Variants in RTN3 observed in about 807,000 individuals in gnomAD.
The protein encoded by RTN3 is reticulon 3.
Under a neutral mutation model 77.8 loss-of-function variants are expected in RTN3, and 49 were observed. The observed-to-expected ratio is 0.63, with a 90% CI of 0.50 to 0.80. RTN3 has a LOEUF of 0.80. RTN3 is among the 30% of genes least tolerant of loss of function. The pLI is 0.00. For missense variants in RTN3, 1,236 were observed against 1,211.9 expected (o/e 1.02, Z -0.29); for synonymous variants, 464 against 446.9 (o/e 1.04, Z -0.48).
chr11:63,750,859 G>A (rs990672078), intron 4 of RTN3, among the ~76,000 whole-genome samples: 2 of 152,004 alleles, frequency 1.3e-5, no homozygotes, highest in Non-Finnish European at 2.9e-5. Flanking sequence ...AGCCTCCCGA[G>A]TAGCTGGGAC....
chr11:63,752,460 A>G (rs2014155801), intron 4 of RTN3, 47 bp from the exon 5 acceptor site: 1 of 1,585,526 alleles, frequency 6.3e-7, no homozygotes, highest in Non-Finnish European at 8.6e-7. Flanking sequence ...TGCTAACAAA[A>G]TCTTCTTCCA....
chr11:63,740,955 T>C (rs2013432181), intron 3 of RTN3, among the ~76,000 whole-genome samples: 1 of 152,112 alleles, frequency 6.6e-6, no homozygotes, highest in African/African-American at 2.4e-5. Context: ...GATCTTGTAT[T>C]ATCCTATTTT....
rs963660560 is a variant in RTN3 at position 63,712,696 on chromosome 11, C to T, written c.200-6006C>T. ...AGAGATGGGGTTCTCCATGTTGATCCGGCTGGTCTTGAACTCCTGACCTCG... is the reference window on the plus strand; with the variant it reads ...AGAGATGGGGTTCTCCATGTTGATCTGGCTGGTCTTGAACTCCTGACCTCG... On this transcript the variant is annotated intron_variant, in intron 2 of 8. Coordinates refer to ENST00000377819, the MANE Select transcript of RTN3 (RefSeq NM_001265589.2). Among the ~76,000 whole-genome samples the T allele has an allele frequency of 3.3e-5, 5 of 152,012 alleles. No homozygotes were observed. In the East Asian group the frequency reaches 5.9e-4, roughly 18 times the overall value.
At chr11:63,749,570 C>T (rs2013991091) in intron 3 of RTN3, among the ~76,000 whole-genome samples, 1 of 152,158 alleles carries the variant, frequency 6.6e-6, no homozygotes, top group Non-Finnish European at 1.5e-5. Context: ...TCCTTTCTGC[C>T]AAACTATTTA....
At chr11:63,749,744 C>G (rs1400427504) in intron 3 of RTN3, among the ~76,000 whole-genome samples, 1 of 152,162 alleles carries the variant, frequency 6.6e-6, no homozygotes, top group Non-Finnish European at 1.5e-5. Context: ...TCTCTTAGAA[C>G]CAAGTACAGT....
rs1341707560 is a variant in RTN3 at position 63,718,909 on chromosome 11, C to G, written c.407C>G (p.Thr136Ser). 1 of 1,614,122 alleles carries G rather than the reference C, an allele frequency of 6.2e-7. No individual in the cohort carries two copies. Among genetic ancestry groups the G allele is most frequent in the Admixed American group, 1.7e-5 (1 of 60,016 alleles). ...DMKKMEKPQG[T>S]SNNVSDSSVS... ...AAAAAGATGGAAAAGCCTCAGGGGA[C>G]CAGCAACAACGTATCAGACTCTTCA... is the stretch of plus-strand genomic sequence containing the variant. Residue 136 changes from threonine to serine, a missense_variant, in exon 3 of 9, where the codon ACC becomes AGC. By Grantham distance (58) the Thr-to-Ser change is moderately conservative. Coordinates refer to ENST00000377819, the MANE Select transcript of RTN3 (RefSeq NM_001265589.2).
At chr11:63,733,357 C>T (rs374849275) in intron 3 of RTN3, among the ~76,000 whole-genome samples, 2 of 152,194 alleles carry the variant, frequency 1.3e-5, no homozygotes, top group African/African-American at 4.8e-5. Flanking sequence ...GGCGTGGTGG[C>T]ACGCGCCTGT....
intron 1 of RTN3, among the ~76,000 whole-genome samples, chr11:63,685,689 TA>T (rs575893436): frequency 8.6e-5 from 13 of 150,652 alleles, no homozygotes; most frequent in South Asian, 4.2e-4. Context: ...CTTAATTGTT[TA>T]AAAAAAAAAT....
intron 8 of RTN3, among the ~76,000 whole-genome samples, chr11:63,757,812 C>T (rs192437566): frequency 7.9e-4 from 120 of 151,318 alleles, no homozygotes; most frequent in African/African-American, 2.9e-3. Context: ...CTCCACCTCC[C>T]GGGTTCAAGC....
At chr11:63,704,222 CG>C (rs938381503) in intron 1 of RTN3, among the ~76,000 whole-genome samples, 1 of 151,666 alleles carries the variant, frequency 6.6e-6, no homozygotes, top group Non-Finnish European at 1.5e-5. Flanking sequence ...AGGCTGGTTT[CG>C]AACTCCTGAC....
At chr11:63,701,594 CAG>C (rs1019833065) in intron 1 of RTN3, among the ~76,000 whole-genome samples, 10 of 152,108 alleles carry the variant, frequency 6.6e-5, no homozygotes, top group East Asian at 1.9e-4. Context: ...GCAGAAGACA[CAG>C]GGGGCACAGG....
intron 4 of RTN3, among the ~76,000 whole-genome samples, chr11:63,751,028 G>A (rs1049896067): frequency 6.6e-6 from 1 of 151,982 alleles, no homozygotes; most frequent in African/African-American, 2.4e-5. Flanking sequence ...CACCGCTCCC[G>A]ACCATAATGT....
chr11:63,714,944 G>T (rs2011308559), intron 2 of RTN3, among the ~76,000 whole-genome samples: 1 of 152,140 alleles, frequency 6.6e-6, no homozygotes, highest in African/African-American at 2.4e-5. Context: ...GAAACTTTTG[G>T]AGTATTAAAG....
At chr11:63,749,671 C>G (rs769276504) in intron 3 of RTN3, among the ~76,000 whole-genome samples, 2 of 152,142 alleles carry the variant, frequency 1.3e-5, no homozygotes, top group Non-Finnish European at 2.9e-5. Context: ...ATCGGTGTAG[C>G]AGAAGAACGT....
At chr11:63,714,144 T>A in intron 2 of RTN3, 1 of 454,240 alleles carries the variant, frequency 2.2e-6, no homozygotes, top group Non-Finnish European at 4.4e-6. Context: ...ATTGTCTTGG[T>A]ACAGGTCAGC....
intron 3 of RTN3, among the ~76,000 whole-genome samples, chr11:63,728,340 C>G (rs1243182746): frequency 1.3e-5 from 2 of 152,148 alleles, no homozygotes; most frequent in Admixed American, 1.3e-4. Context: ...GGCAATAAAT[C>G]ATATTGTTAG....
At chr11:63,750,469 T>C (rs76149081) in intron 4 of RTN3, 1 of 384,744 alleles carries the variant, frequency 2.6e-6, no homozygotes, top group Admixed American at 4.3e-5. Context: ...TTTTTTTTTT[T>C]TGAGACGGAT....
At chr11:63,695,315 T>G (rs767977774) in intron 1 of RTN3, among the ~76,000 whole-genome samples, 16 of 152,330 alleles carry the variant, frequency 1.1e-4, no homozygotes, top group Admixed American at 7.2e-4. Context: ...CCCCTGAAAT[T>G]CCTGAGCTTC....
chr11:63,721,303 G>A (rs1048080467), intron 3 of RTN3, among the ~76,000 whole-genome samples: 3 of 151,952 alleles, frequency 2.0e-5, no homozygotes, highest in African/African-American at 4.8e-5. Context: ...CGCTGGGTAC[G>A]GTGGCTCACG....
Sources: gnomAD v4.1 joint callset for allele counts (sites outside exome capture counted in the v4.1 genomes callset) on GRCh38, gnomAD v4.1.1 for gene constraint, MANE v1.5 for transcripts, NCBI Gene and HGNC (gene_info 2026-07-23, HGNC 2026-07-21) for gene names.